Variants in RAB11FIP4 observed in about 807,000 individuals in gnomAD.
The protein encoded by RAB11FIP4 is RAB11 family interacting protein 4.
In RAB11FIP4, 23 loss-of-function variants were observed where a neutral mutation model predicts 74.3. That is an observed-to-expected ratio of 0.31 (90% confidence interval 0.22 to 0.44). The LOEUF is 0.44. Ranked by LOEUF, RAB11FIP4 falls within the 20% of genes least tolerant of loss-of-function variation. The probability of loss-of-function intolerance (pLI) is 1.00; values close to 1 mark genes in which losing one functional copy is unlikely to be tolerated. For missense variants in RAB11FIP4, 630 were observed against 863.9 expected, an observed-to-expected ratio of 0.73 and a Z score of 3.39; for synonymous variants, 360 against 359.9, an observed-to-expected ratio of 1.00 and a Z score of 0.00.
At chr17:31,490,721 T>G (rs2071991572) in intron 3 of RAB11FIP4, among the ~76,000 whole-genome samples, 1 of 152,034 alleles carries the variant, frequency 6.6e-6, no homozygotes, top group Admixed American at 6.6e-5. Flanking sequence ...ATCTGGCTAA[T>G]TTTTGTTTTT....
intron 1 of RAB11FIP4, among the ~76,000 whole-genome samples, chr17:31,427,091 C>G (rs1292448423): frequency 6.6e-6 from 1 of 152,206 alleles, no homozygotes; most frequent in Non-Finnish European, 1.5e-5. Flanking sequence ...CCCTGAGTAG[C>G]TGGGACTACA....
In RAB11FIP4 at chr17:31,517,798, A is replaced by C; in HGVS notation, c.484A>C (p.Thr162Pro). The change falls in exon 4 of 15, where the codon ACT becomes CCT. Residue 162 changes from threonine (T) to proline (P), a missense_variant. Thr to Pro is a conservative substitution (Grantham distance 38). Coordinates refer to ENST00000621161, the MANE Select transcript of RAB11FIP4 (RefSeq NM_032932.6). ...GTACACAGACAGCCCCATGGAGAGCACTCAGAGCCTGGAGGGGTCTGTCGG... is the reference window on the plus strand; with the variant it reads ...GTACACAGACAGCCCCATGGAGAGCCCTCAGAGCCTGGAGGGGTCTGTCGG... ...ELYTDSPMESTQSLEGSVGSP... is the reference protein window; with the variant it reads ...ELYTDSPMESPQSLEGSVGSP... The C allele has an allele frequency of 6.4e-7, 1 of 1,555,594 alleles. No homozygotes were observed. The highest frequency in any genetic ancestry group is 8.7e-7 in the Non-Finnish European group (1 of 1,148,980).
In RAB11FIP4 at chr17:31,443,088, A is replaced by G. The variant is rs116051970; in HGVS notation, c.336+8966A>G. Reference sequence around the variant, plus strand: ...TACCCTTTTGATACTGGTGTTGCTGAGTTTTCAGATCCTTTAAATTTGAGA... The same window carrying G: ...TACCCTTTTGATACTGGTGTTGCTGGGTTTTCAGATCCTTTAAATTTGAGA... On this transcript the variant is annotated intron_variant, in intron 3 of 14. Coordinates refer to ENST00000621161, the MANE Select transcript of RAB11FIP4 (RefSeq NM_032932.6). Among the ~76,000 whole-genome samples, 367 of 152,320 alleles carry G rather than the reference A, an allele frequency of 2.4e-3. 1 individual carries two copies. Among genetic ancestry groups the G allele is most frequent in the African/African-American group, 8.2e-3 (341 of 41,562 alleles).
chr17:31,447,285 CAAACAAAACA>C (rs993541267), intron 3 of RAB11FIP4, among the ~76,000 whole-genome samples: 3 of 152,090 alleles, frequency 2.0e-5, no homozygotes, highest in African/African-American at 4.8e-5. Context: ...GACTCCGTCT[CAAACAAAACA>C]AAACAAAACA....
At chr17:31,411,804 G>C (rs1370440806) in intron 1 of RAB11FIP4, among the ~76,000 whole-genome samples, 1 of 152,252 alleles carries the variant, frequency 6.6e-6, no homozygotes, top group Non-Finnish European at 1.5e-5. Context: ...TGAGCTGCCT[G>C]GGGGTGCCTC....
intron 3 of RAB11FIP4, among the ~76,000 whole-genome samples, chr17:31,443,028 G>T (rs2071420461): frequency 1.3e-5 from 2 of 151,848 alleles, no homozygotes; most frequent in Admixed American, 1.3e-4. Flanking sequence ...AAATTCCTCT[G>T]CAGGAATCCC....
intron 1 of RAB11FIP4, among the ~76,000 whole-genome samples, chr17:31,430,231 G>T (rs4517849): frequency 0.21 from 32,260 of 151,998 alleles, 3,928 homozygotes; most frequent in East Asian, 0.32. Context: ...GGTGGTTTCC[G>T]TGAGGAGCTG....
At chr17:31,422,640 G>T (rs1010722679) in intron 1 of RAB11FIP4, among the ~76,000 whole-genome samples, 1 of 151,992 alleles carries the variant, frequency 6.6e-6, no homozygotes. Flanking sequence ...GGCAATTTCT[G>T]TTGTTCTATC....
intron 1 of RAB11FIP4, among the ~76,000 whole-genome samples, chr17:31,429,311 T>C (rs2071283735): frequency 6.6e-6 from 1 of 152,232 alleles, no homozygotes; most frequent in Non-Finnish European, 1.5e-5. Flanking sequence ...TAAGGCTTTC[T>C]GCAGTGAGGT....
intron 3 of RAB11FIP4, among the ~76,000 whole-genome samples, chr17:31,487,743 G>T (rs148036020): frequency 6.6e-6 from 1 of 152,092 alleles, no homozygotes; most frequent in Non-Finnish European, 1.5e-5. Context: ...AGACTACAGC[G>T]CCTACCTGGC....
chr17:31,528,899 C>A, intron 13 of RAB11FIP4, 121 bp downstream of exon 13: 1 of 1,156,924 alleles, frequency 8.6e-7, no homozygotes, highest in Non-Finnish European at 1.2e-6. Flanking sequence ...GTCTGCTTCT[C>A]AGCAACCTGT....
chr17:31,426,069 T>G (rs1193677753), intron 1 of RAB11FIP4, among the ~76,000 whole-genome samples: 1 of 152,190 alleles, frequency 6.6e-6, no homozygotes, highest in Non-Finnish European at 1.5e-5. Context: ...AGGTCGAGAC[T>G]CTTTGTGATC....
chr17:31,510,434 G>A (rs747811206), intron 3 of RAB11FIP4, among the ~76,000 whole-genome samples: 2 of 152,266 alleles, frequency 1.3e-5, no homozygotes, highest in Non-Finnish European at 2.9e-5. Context: ...AGGGAAGTGG[G>A]CATGTGCCCG....
intron 3 of RAB11FIP4, among the ~76,000 whole-genome samples, chr17:31,443,979 G>A (rs28591390): frequency 0.014 from 2,069 of 152,278 alleles, 54 homozygotes; most frequent in African/African-American, 0.048. Flanking sequence ...AGCCCAAATT[G>A]GCTCTTTTGC....
chr17:31,399,461 C>T (rs1376392519), intron 1 of RAB11FIP4, among the ~76,000 whole-genome samples: 1 of 152,174 alleles, frequency 6.6e-6, no homozygotes, highest in Non-Finnish European at 1.5e-5. Context: ...CCCTGTCATC[C>T]CAGCACTTTG....
chr17:31,452,735 C>T (rs1364817611), intron 3 of RAB11FIP4, among the ~76,000 whole-genome samples: 1 of 152,224 alleles, frequency 6.6e-6, no homozygotes, highest in Admixed American at 6.5e-5. Context: ...TCACTGTCAC[C>T]TCCGCATGTG....
intron 1 of RAB11FIP4, among the ~76,000 whole-genome samples, chr17:31,401,817 G>A (rs1295003910): frequency 6.6e-6 from 1 of 152,222 alleles, no homozygotes; most frequent in Non-Finnish European, 1.5e-5. Flanking sequence ...GCATCACTCA[G>A]TAGCCAAGAG....
chr17:31,415,379 G>T (rs2071137374), intron 1 of RAB11FIP4, among the ~76,000 whole-genome samples: 1 of 152,180 alleles, frequency 6.6e-6, no homozygotes, highest in South Asian at 2.1e-4. Flanking sequence ...GAAGTAAAAG[G>T]CTCGGAAGAG....
chr17:31,537,437 C>G lies in RAB11FIP4; in HGVS notation c.*5705C>G, dbSNP rs72817718. 18 of 385,690 alleles carry G rather than the reference C, an allele frequency of 4.7e-5. No homozygotes were observed. Among genetic ancestry groups the G allele is most frequent in the Non-Finnish European group, 6.9e-5 (15 of 218,090 alleles). The allele number at this position is 385,690 out of a possible 1,614,324, so 23.9% of individuals were successfully genotyped here. A position where few individuals can be genotyped will look rare whatever the true frequency, so the allele number is the denominator to read the frequency against. The stretch of plus-strand genomic sequence containing the variant: ...CTCCAGCCTGCAGCTAATTTAGGAG[C>G]CTTGCATTCCAGAAAAGGGCAACTT... On this transcript the variant is annotated 3_prime_UTR_variant, in exon 15 of 15. Coordinates refer to ENST00000621161, the MANE Select transcript of RAB11FIP4 (RefSeq NM_032932.6).
Sources: gnomAD v4.1 joint callset for allele counts (sites outside exome capture counted in the v4.1 genomes callset) on GRCh38, gnomAD v4.1.1 for gene constraint, MANE v1.5 for transcripts, NCBI Gene and HGNC (gene_info 2026-07-23, HGNC 2026-07-21) for gene names.